Variants in PRELID2 observed in about 807,000 individuals in gnomAD.
PRELID2 encodes PRELI domain-containing protein 2.
PRELID2 carries 25 observed loss-of-function variants against 28.4 expected under a neutral mutation model. The ratio of observed to expected loss-of-function variants is 0.88; its 90% CI spans 0.64 to 1.23. The LOEUF (loss-of-function observed/expected upper bound fraction) is 1.23. PRELID2 is among the 50% of genes most tolerant of loss of function. The probability of loss-of-function intolerance (pLI) is 0.00; values close to 1 mark genes in which losing one functional copy is unlikely to be tolerated. For synonymous variants in PRELID2, 76 were observed against 71.6 expected, an observed-to-expected ratio of 1.06 and a Z score of -0.31; for missense variants, 201 against 214.4, an observed-to-expected ratio of 0.94 and a Z score of 0.39.
intron 1 of PRELID2, among the ~76,000 whole-genome samples, chr5:145,706,652 C>A (rs1170533277): frequency 6.6e-6 from 1 of 152,184 alleles, no homozygotes; most frequent in Non-Finnish European, 1.5e-5. Context: ...CTGCCAATAG[C>A]TGCAGTTCAC....
At chr5:145,348,273 A>C in the PRELID2 span, among the ~76,000 whole-genome samples, 5 of 152,174 alleles carry the variant, frequency 3.3e-5, no homozygotes, top group African/African-American at 7.2e-5. Context: ...TAATCAGTGA[A>C]TCTAAGAATA....
the PRELID2 span, among the ~76,000 whole-genome samples, chr5:145,312,148 C>A: frequency 4.9e-4 from 75 of 151,662 alleles, 2 homozygotes; most frequent in African/African-American, 1.7e-3. Context: ...GAATTTGAGA[C>A]CAGCCTGGAC....
At chr5:145,340,023 G>T in the PRELID2 span, among the ~76,000 whole-genome samples, 1 of 152,140 alleles carries the variant, frequency 6.6e-6, no homozygotes, top group African/African-American at 2.4e-5. Context: ...GCTGAGAGGG[G>T]CTCACACCTG....
chr5:145,825,744 T>C (rs1343422863), intron 1 of PRELID2, among the ~76,000 whole-genome samples: 1 of 152,134 alleles, frequency 6.6e-6, no homozygotes, highest in East Asian at 1.9e-4. Flanking sequence ...CAAGTTTCCA[T>C]AGAAGAACAG....
intron 1 of PRELID2, among the ~76,000 whole-genome samples, chr5:145,659,895 G>A (rs1754460784): frequency 6.6e-6 from 1 of 152,118 alleles, no homozygotes; most frequent in Non-Finnish European, 1.5e-5. Context: ...GTCTATGTGG[G>A]AAGGGATAGA....
chr5:145,639,832 A>G (rs1407931340), intron 1 of PRELID2, among the ~76,000 whole-genome samples: 2 of 152,192 alleles, frequency 1.3e-5, no homozygotes, highest in Non-Finnish European at 1.5e-5. Context: ...ATATCGAAAA[A>G]CAAAATACAA....
At chr5:145,383,206 G>A in the PRELID2 span, among the ~76,000 whole-genome samples, 1 of 151,308 alleles carries the variant, frequency 6.6e-6, no homozygotes, top group African/African-American at 2.4e-5. Flanking sequence ...ATACATGTGT[G>A]TATATATATC....
chr5:145,653,054 A>T (rs1038687766), intron 1 of PRELID2, among the ~76,000 whole-genome samples: 28 of 152,208 alleles, frequency 1.8e-4, no homozygotes, highest in Non-Finnish European at 2.6e-4. Flanking sequence ...GGATGGAAGA[A>T]GATCTACCAA....
intron 1 of PRELID2, among the ~76,000 whole-genome samples, chr5:145,515,873 G>T (rs1158028940): frequency 2.0e-5 from 3 of 152,132 alleles, no homozygotes; most frequent in African/African-American, 7.2e-5. Flanking sequence ...CACATAAACA[G>T]AACCAATGAC....
At chr5:145,639,381 C>A (rs1754057164) in intron 1 of PRELID2, among the ~76,000 whole-genome samples, 3 of 152,162 alleles carry the variant, frequency 2.0e-5, no homozygotes. Flanking sequence ...TGGGTGGGAT[C>A]ACAGAGGTCT....
Position 145,661,987 on chromosome 5 carries a change from T to C in PRELID2, n.70+102944A>G, listed in dbSNP as rs904159075. Among the ~76,000 whole-genome samples, 15 of 152,172 alleles carry C rather than the reference T, an allele frequency of 9.9e-5. No individual in the cohort carries two copies. In the South Asian group the frequency reaches 1.0e-3, roughly 11 times the overall value. On this transcript the variant is annotated intron_variant and non_coding_transcript_variant, in intron 1 of 2. Transcript: ENST00000510259. ...CTGAATTGGCACTCTGCTTACTACATAGTTTTGTCAAGAAATGCCTAAGCT... is the reference window on the plus strand; with the variant it reads ...CTGAATTGGCACTCTGCTTACTACACAGTTTTGTCAAGAAATGCCTAAGCT...
chr5:145,425,635 C>A, the PRELID2 span, among the ~76,000 whole-genome samples: 1 of 152,016 alleles, frequency 6.6e-6, no homozygotes, highest in Admixed American at 6.6e-5. Context: ...AGCCATTATC[C>A]TCAGCAAACT....
chr5:145,603,009 G>A (rs896659430), intron 1 of PRELID2, among the ~76,000 whole-genome samples: 15 of 151,988 alleles, frequency 9.9e-5, no homozygotes, highest in East Asian at 3.9e-4. Flanking sequence ...CCAAGACCGC[G>A]CCATTGCACT....
At chr5:145,750,033 T>A (rs1272858037) in intron 1 of PRELID2, among the ~76,000 whole-genome samples, 1 of 151,906 alleles carries the variant, frequency 6.6e-6, no homozygotes, top group African/African-American at 2.4e-5. Flanking sequence ...CCATGGCACA[T>A]GTATACATAT....
intron 1 of PRELID2, among the ~76,000 whole-genome samples, chr5:145,581,306 T>C (rs988611283): frequency 6.6e-6 from 1 of 152,094 alleles, no homozygotes; most frequent in Non-Finnish European, 1.5e-5. Flanking sequence ...ATCACACATT[T>C]GTTCAGGCCA....
chr5:145,301,014 A>C, the PRELID2 span, among the ~76,000 whole-genome samples: 2 of 152,076 alleles, frequency 1.3e-5, no homozygotes, highest in Admixed American at 6.6e-5. Flanking sequence ...CAATAAATGG[A>C]GCATATTGTG....
chr5:145,512,716 G>A (rs1752472307), intron 1 of PRELID2, among the ~76,000 whole-genome samples: 1 of 152,160 alleles, frequency 6.6e-6, no homozygotes, highest in African/African-American at 2.4e-5. Flanking sequence ...GGGGTCAACC[G>A]ACACCTCATA....
chr5:145,770,359 A>C (rs1390077894), intron 5 of PRELID2, among the ~76,000 whole-genome samples: 2 of 152,072 alleles, frequency 1.3e-5, no homozygotes, highest in African/African-American at 4.8e-5. Context: ...CTATTAAAAA[A>C]AAAAAATTTA....
At chr5:145,286,719 TGTTTG>T in the PRELID2 span, among the ~76,000 whole-genome samples, 3 of 125,360 alleles carry the variant, frequency 2.4e-5, no homozygotes, top group African/African-American at 1.1e-4. Flanking sequence ...TTTGTTTGTT[TGTTTG>T]TTTTTTTTTT....
Sources: allele counts gnomAD v4.1 joint callset (sites outside exome capture counted in the v4.1 genomes callset), GRCh38; gene constraint gnomAD v4.1.1; transcripts MANE v1.5; gene names NCBI Gene and HGNC (gene_info 2026-07-23, HGNC 2026-07-21).